ERFL: variants seen among roughly 807,000 people sequenced by gnomAD.
The protein encoded by ERFL is ETS repressor factor like.
A neutral mutation model predicts 27.9 loss-of-function variants in ERFL; 8 were observed. The ratio of observed to expected loss-of-function variants is 0.29; its 90% CI spans 0.17 to 0.52. The LOEUF is 0.52. Among genes scored for constraint, ERFL ranks in the 20% least tolerant of loss-of-function variants. ERFL has a pLI of 0.97. For synonymous variants in ERFL, 174 were observed against 202.8 expected, an observed-to-expected ratio of 0.86 and a Z score of 1.21; for missense variants, 294 against 444.4, an observed-to-expected ratio of 0.66 and a Z score of 3.04.
chr19:41,925,285 C>T (rs2074865070), intron 1 of ERFL, among the ~76,000 whole-genome samples: 1 of 151,766 alleles, frequency 6.6e-6, no homozygotes, highest in African/African-American at 2.4e-5. Flanking sequence ...TGACCTTGTG[C>T]AGCAAGAGAG....
intron 1 of ERFL, 67 bp from the exon 2 acceptor site, chr19:41,912,999 G>A (rs1199504797): frequency 5.6e-6 from 4 of 716,486 alleles, no homozygotes; most frequent in South Asian, 7.0e-5. Context: ...GTCAGCCAGC[G>A]GGGCGCTGCC....
chr19:41,912,372 C>G (rs1370303369), intron 2 of ERFL, among the ~76,000 whole-genome samples: 1 of 152,212 alleles, frequency 6.6e-6, no homozygotes, highest in Non-Finnish European at 1.5e-5. Flanking sequence ...GCTTCACCGT[C>G]CACCAACCCC....
rs1217765474 is a variant in ERFL, at chr19:41,909,705, G to A, written c.302+158C>T. 1.3e-5 allele frequency among the ~76,000 whole-genome samples: 2 copies of A among 152,088 alleles called. No homozygotes were observed. Among genetic ancestry groups the A allele is most frequent in the African/African-American group, 4.8e-5 (2 of 41,402 alleles). ...CCAGGTTTAGGGGTCCCTCCTCCTC[G>A]CCTCCCTTCCACTCACAAGTAGCGA... On this transcript the variant is annotated intron_variant, in intron 3 of 5. Coordinates refer to ENST00000597630, the MANE Select transcript of ERFL (RefSeq NM_001365103.2). The surrounding 1 kb of genome is among the most constrained non-coding windows in gnomAD (Gnocchi z 5.2).
chr19:41,928,017 C>G (rs1442270076), intron 1 of ERFL, 23 bp downstream of exon 1: 2 of 152,186 alleles, frequency 1.3e-5, no homozygotes, highest in Non-Finnish European at 2.9e-5. Context: ...CCCGCCCCTG[C>G]GCCGGCCGCG....
chr19:41,911,539 T>G (rs2074751370), intron 2 of ERFL, among the ~76,000 whole-genome samples: 2 of 152,124 alleles, frequency 1.3e-5, no homozygotes. Flanking sequence ...GGCTGCCTGG[T>G]GTAGAAAAGT....
chr19:41,919,189 G>A (rs2074822801), intron 1 of ERFL, among the ~76,000 whole-genome samples: 3 of 151,842 alleles, frequency 2.0e-5, no homozygotes, highest in Non-Finnish European at 1.5e-5. Context: ...ACCACACCTT[G>A]TAATCCCCAC....
chr19:41,915,957 G>A (rs942351566), intron 1 of ERFL, among the ~76,000 whole-genome samples: 19 of 151,584 alleles, frequency 1.3e-4, no homozygotes, highest in Admixed American at 2.6e-4. Context: ...GCCGGCCGGC[G>A]TGGTGCGGAT....
At chr19:41,920,726 C>T (rs371690302) in intron 1 of ERFL, among the ~76,000 whole-genome samples, 204 of 152,376 alleles carry the variant, frequency 1.3e-3, no homozygotes, top group Middle Eastern at 0.01. Context: ...CACACACACT[C>T]GGTCTTCTGC....
intron 1 of ERFL, among the ~76,000 whole-genome samples, chr19:41,926,629 C>CCTGGCCTG (rs1219863515): frequency 6.6e-6 from 1 of 152,148 alleles, no homozygotes; most frequent in African/African-American, 2.4e-5. Flanking sequence ...CTAGGCGAGG[C>CCTGGCCTG]CTGGCCTGCT....
intron 1 of ERFL, among the ~76,000 whole-genome samples, chr19:41,914,411 C>G (rs1599673899): frequency 1.3e-5 from 2 of 151,666 alleles, no homozygotes; most frequent in African/African-American, 4.9e-5. Context: ...TCGTCTCCAT[C>G]TCCTCCTCCA....
In ERFL at chr19:41,916,047, C is replaced by T. The variant is rs2074799549; in HGVS notation, c.-13-3115G>A. ...CTTCGCCCCCCATCTCTACCGCCCG[C>T]AGCCATGGCACCGAATGTGTGTGCG... On this transcript the variant is annotated intron_variant, in intron 1 of 5. Coordinates refer to ENST00000597630, the MANE Select transcript of ERFL (RefSeq NM_001365103.2). The surrounding 1 kb of genome is among the most constrained non-coding windows in gnomAD (Gnocchi z 5.4). 6.6e-6 allele frequency among the ~76,000 whole-genome samples: 1 copy of T among 152,100 alleles called. No individual in the cohort carries two copies. Among genetic ancestry groups the T allele is most frequent in the Admixed American group, 6.5e-5 (1 of 15,282 alleles).
At chr19:41,913,289 C>T (rs1555851428) in intron 1 of ERFL, among the ~76,000 whole-genome samples, 4 of 150,698 alleles carry the variant, frequency 2.7e-5, no homozygotes, top group African/African-American at 2.4e-5. Context: ...GCCGCTCGCG[C>T]CCCGCACCGT....
intron 2 of ERFL, among the ~76,000 whole-genome samples, chr19:41,911,147 C>T (rs2074749257): frequency 6.6e-6 from 1 of 152,134 alleles, no homozygotes; most frequent in Non-Finnish European, 1.5e-5. Context: ...AGCACTGACA[C>T]CCCCGGCTCA....
Position 41,909,006 on chromosome 19 carries a change from G to T in ERFL, c.616+54C>A. The T allele has an allele frequency of 9.3e-7, 1 of 1,073,112 alleles. No individual in the cohort carries two copies. The highest frequency in any genetic ancestry group is 1.2e-6 in the Non-Finnish European group (1 of 844,068). 66.5% of individuals were successfully genotyped at this position (1,073,112 alleles called of 1,614,324 possible). A position where few individuals can be genotyped will look rare whatever the true frequency, so the allele number is the denominator to read the frequency against. ...GTCTTTTCTCATCCTCTTCCCTCAA[G>T]CCTGCAGCTTCTCCCACTGTGCCCC... is the stretch of plus-strand genomic sequence containing the variant. On this transcript the variant is annotated intron_variant, in intron 5 of 5. Coordinates refer to ENST00000597630, the MANE Select transcript of ERFL (RefSeq NM_001365103.2). This position sits in a 1 kb window ranked among gnomAD's most constrained non-coding sequence, Gnocchi z 5.2.
intron 2 of ERFL, among the ~76,000 whole-genome samples, chr19:41,912,082 C>T (rs781913067): frequency 6.6e-6 from 1 of 152,152 alleles, no homozygotes. Flanking sequence ...GGCAGAGGCA[C>T]AGTCGGAGAG....
Position 41,908,326 on chromosome 19 carries a change from TCTC to T in ERFL, c.964_966del (p.Glu322del). On this transcript the variant is annotated inframe_deletion, in exon 6 of 6. Coordinates refer to ENST00000597630, the MANE Select transcript of ERFL (RefSeq NM_001365103.2). This position sits in a 1 kb window ranked among gnomAD's most constrained non-coding sequence, Gnocchi z 6.7. ...GAGCTGCAGCCGCTGACGTCGGTGA[TCTC>T]CAGCTCCGAGTCGCTGTCCTCCTTC... is the stretch of plus-strand genomic sequence containing the variant. 1 of 1,231,446 alleles carries T rather than the reference TCTC, an allele frequency of 8.1e-7. No individual in the cohort carries two copies. Among genetic ancestry groups the T allele is most frequent in the Middle Eastern group, 3.1e-4 (1 of 3,210 alleles). The allele number at this position is 1,231,446 out of a possible 1,614,324, so 76.3% of individuals were successfully genotyped here. A position where few individuals can be genotyped will look rare whatever the true frequency, so the allele number is the denominator to read the frequency against.
rs2074776818 is a variant in ERFL at position 41,914,572 on chromosome 19, T to TTTCCCTCCCCCTCCA, written c.-13-1641_-13-1640insTGGAGGGGGAGGGAA. 1.5e-4 allele frequency among the ~76,000 whole-genome samples: 4 copies of TTTCCCTCCCCCTCCA among 26,510 alleles called. 1 individual carries two copies. The highest frequency in any genetic ancestry group is 3.2e-4 in the Non-Finnish European group (4 of 12,330). The allele number at this position is 26,510 out of a possible 152,430, so 17.4% of individuals were successfully genotyped here. On this transcript the variant is annotated intron_variant, in intron 1 of 5. Transcript: ENST00000597630. Reference sequence around the variant, plus strand: ...TCCCTCCCCTTCCACCATCTCTGTCTCCGTCTCTCCCTCCCTTTCCACCAT... The same window carrying TTTCCCTCCCCCTCCA: ...TCCCTCCCCTTCCACCATCTCTGTCTTTCCCTCCCCCTCCACCGTCTCTCCCTCCCTTTCCACCAT...
chr19:41,912,087 G>C lies in ERFL; in HGVS notation c.67+766C>G, dbSNP rs138974884. On this transcript the variant is annotated intron_variant, in intron 2 of 5. Coordinates refer to ENST00000597630, the MANE Select transcript of ERFL (RefSeq NM_001365103.2). ...ACCCCACTCAGGCAGAGGCACAGTC[G>C]GAGAGCTGGCAGACGCCCCCATCCC... Among the ~76,000 whole-genome samples, 958 of 152,048 alleles carry C rather than the reference G, an allele frequency of 6.3e-3. 12 individuals carry two copies. The highest frequency in any genetic ancestry group is 0.018 in the African/African-American group (736 of 41,464).
intron 1 of ERFL, among the ~76,000 whole-genome samples, chr19:41,915,483 C>T (rs1418828743): frequency 6.6e-6 from 1 of 151,872 alleles, no homozygotes; most frequent in African/African-American, 2.4e-5. Context: ...TCTGTGTCCC[C>T]ACGTCTCTGT....
Sources: gnomAD v4.1 joint callset for allele counts (sites outside exome capture counted in the v4.1 genomes callset) on GRCh38, gnomAD v4.1.1 for gene constraint, Gnocchi (gnomAD v3.1) non-coding constraint, MANE v1.5 for transcripts, NCBI Gene and HGNC (gene_info 2026-07-23, HGNC 2026-07-21) for gene names.